Variants in SYCP1 observed in about 807,000 individuals in gnomAD.
SYCP1 encodes the protein synaptonemal complex protein 1.
SYCP1 carries 64 observed loss-of-function variants against 153.1 expected under a neutral mutation model. The ratio of observed to expected loss-of-function variants is 0.42; its 90% confidence interval spans 0.34 to 0.51. The LOEUF (loss-of-function observed/expected upper bound fraction) is 0.51, where lower values mean the gene tolerates loss of function less well. SYCP1 is among the 20% of genes least tolerant of loss of function. The pLI is 0.06. For missense variants in SYCP1, 997 were observed against 1,049.0 expected (o/e 0.95, Z 0.68); for synonymous variants, 384 against 341.8 (o/e 1.12, Z -1.36).
Position 114,857,218 on chromosome 1 carries a change from C to G in SYCP1, c.194-14C>G, listed in dbSNP as rs773437950. 34 of 1,509,582 alleles carry G rather than the reference C, an allele frequency of 2.3e-5. No individual in the cohort carries two copies. The highest frequency in any genetic ancestry group is 3.7e-4 in the Middle Eastern group (2 of 5,390). The allele number at this position is 1,509,582 out of a possible 1,614,324, so 93.5% of individuals were successfully genotyped here. A position where few individuals can be genotyped will look rare whatever the true frequency, so the allele number is the denominator to read the frequency against. On this transcript the variant is annotated splice_polypyrimidine_tract_variant and intron_variant, in intron 3 of 31. Coordinates refer to ENST00000369522, the MANE Select transcript of SYCP1 (RefSeq NM_003176.4). The stretch of plus-strand genomic sequence containing the variant: ...TGTTGGCGTATTTAATACCTGTTGT[C>G]TTTTATCTTGCAGATCCTGCTTTAC...
intron 20 of SYCP1, among the ~76,000 whole-genome samples, chr1:114,914,477 C>T (rs1259027192): frequency 6.6e-6 from 1 of 151,644 alleles, no homozygotes; most frequent in Non-Finnish European, 1.5e-5. Flanking sequence ...AAAGACTAAT[C>T]AACATAAAGG....
intron 27 of SYCP1, among the ~76,000 whole-genome samples, chr1:114,954,547 T>TTTATTTA (rs1671313381): frequency 1.3e-4 from 20 of 148,334 alleles, no homozygotes; most frequent in Non-Finnish European, 2.4e-4. Flanking sequence ...TCAGTATGCT[T>TTTATTTA]TTTATTTATT....
At chr1:114,904,556 A>G (rs941806759) in intron 16 of SYCP1, among the ~76,000 whole-genome samples, 1 of 152,182 alleles carries the variant, frequency 6.6e-6, no homozygotes. Flanking sequence ...ATCTGTTTCT[A>G]TTTTTATAGA....
intron 15 of SYCP1, among the ~76,000 whole-genome samples, chr1:114,892,180 C>T (rs1286566): frequency 0.023 from 3,503 of 152,160 alleles, 56 homozygotes; most frequent in South Asian, 0.035. Context: ...AGAGATAGTC[C>T]TCGTGGGCCT....
intron 16 of SYCP1, among the ~76,000 whole-genome samples, chr1:114,904,540 C>T (rs1050524487): frequency 7.2e-5 from 11 of 152,226 alleles, no homozygotes; most frequent in Middle Eastern, 3.4e-3. Context: ...AGTACATGAA[C>T]GTAGTATCTG....
At position 114,887,662 on chromosome 1, in the gene SYCP1, C is replaced by A; in HGVS notation, c.1227C>A (p.Thr409=). 1 of 1,566,520 alleles carries A rather than the reference C, an allele frequency of 6.4e-7. No homozygotes were observed. Among genetic ancestry groups the A allele is most frequent in the South Asian group, 1.2e-5 (1 of 82,190 alleles). The change falls in exon 15 of 32, where the codon ACC becomes ACA. Residue 409 remains threonine (T), a synonymous_variant. Coordinates refer to ENST00000369522, the MANE Select transcript of SYCP1 (RefSeq NM_003176.4). ...EKNEDQLKIL[T]MELQKKSSEL... The stretch of plus-strand genomic sequence containing the variant: ...ATGAAGATCAATTGAAAATACTTAC[C>A]ATGGAGCTTCAAAAGAAATCAAGTG...
chr1:114,871,917 A>G (rs888852744), intron 8 of SYCP1, among the ~76,000 whole-genome samples: 4 of 151,776 alleles, frequency 2.6e-5, no homozygotes, highest in Admixed American at 6.6e-5. Flanking sequence ...TGACAAACTT[A>G]TATGTTAGAT....
At chr1:114,856,712 C>A in intron 3 of SYCP1, 55 bp downstream of exon 3, 2 of 1,256,642 alleles carry the variant, frequency 1.6e-6, no homozygotes, top group Non-Finnish European at 2.3e-6. Context: ...GTGTTACATA[C>A]ATCGATAGTT....
chr1:114,854,234 C>G (rs566343137), upstream of SYCP1, among the ~76,000 whole-genome samples: 2 of 152,270 alleles, frequency 1.3e-5, no homozygotes, highest in African/African-American at 4.8e-5. Context: ...GCCTCTGTCT[C>G]CAAGACTCAA....
At chr1:114,878,613 G>C (rs1405993140) in intron 12 of SYCP1, among the ~76,000 whole-genome samples, 1 of 152,094 alleles carries the variant, frequency 6.6e-6, no homozygotes, top group Non-Finnish European at 1.5e-5. Context: ...GCACAATCTT[G>C]GCTCACTGCA....
intron 23 of SYCP1, among the ~76,000 whole-genome samples, chr1:114,931,392 G>A (rs1182814923): frequency 5.3e-5 from 8 of 152,048 alleles, no homozygotes; most frequent in African/African-American, 1.9e-4. Flanking sequence ...CAAAGTCACT[G>A]GATACAAGGT....
At position 114,886,110 on chromosome 1, in the gene SYCP1, C is replaced by CT; in HGVS notation, c.1006-12dup. On this transcript the variant is annotated splice_polypyrimidine_tract_variant and intron_variant, in intron 13 of 31. Transcript: ENST00000369522. ...TTTGGATCATTGCTCTTGTTTTATACTTTATTTCATTTAGAGTACTCAAAA... is the reference window on the plus strand; with the variant it reads ...TTTGGATCATTGCTCTTGTTTTATACTTTTATTTCATTTAGAGTACTCAAAA... 6.5e-7 allele frequency: 1 copy of CT among 1,550,254 alleles called. No homozygotes were observed. The highest frequency in any genetic ancestry group is 1.4e-5 in the African/African-American group (1 of 71,716).
At chr1:114,908,036 G>A (rs1667930441) in intron 16 of SYCP1, among the ~76,000 whole-genome samples, 1 of 151,860 alleles carries the variant, frequency 6.6e-6, no homozygotes, top group South Asian at 2.1e-4. Flanking sequence ...ATTTTTTCCT[G>A]AAGATCCACG....
chr1:114,855,343 A>T, intron 1 of SYCP1, 98 bp from the exon 2 acceptor site: 1 of 583,384 alleles, frequency 1.7e-6, no homozygotes, highest in Non-Finnish European at 2.8e-6. Context: ...TTTTTTAGCC[A>T]TTTAGTTTGT....
At position 114,994,726 on chromosome 1, in the gene SYCP1, A is replaced by C; in HGVS notation, c.2732A>C (p.Lys911Thr). The C allele has an allele frequency of 6.4e-7, 1 of 1,574,648 alleles. No individual in the cohort carries two copies. Among genetic ancestry groups the C allele is most frequent in the South Asian group, 1.2e-5 (1 of 81,722 alleles). The change falls in exon 31 of 32, where the codon AAA becomes ACA. Residue 911 changes from lysine (K) to threonine (T), a missense_variant. Physicochemically the swap from Lys to Thr is moderately conservative, Grantham distance 78. This residue lies in a region of SYCP1 where 712 missense variants were observed against 682.9 expected (regional missense o/e 1.04). Transcript: ENST00000369522. ...ATGGTTTCAGAAGAAGAGACATTGA[A>C]AACACTGTATAGGAACAATAATCCA... The part of the protein sequence containing the change: ...LSMVSEEETL[K>T]TLYRNNNPPA...
chr1:114,983,613 G>A (rs187447198), intron 29 of SYCP1, among the ~76,000 whole-genome samples: 22 of 152,114 alleles, frequency 1.4e-4, no homozygotes, highest in African/African-American at 4.3e-4. Flanking sequence ...CCCCAGGAAC[G>A]TGGGCTGTTA....
At chr1:114,942,561 G>T (rs760977603) in intron 23 of SYCP1, among the ~76,000 whole-genome samples, 6 of 151,740 alleles carry the variant, frequency 4.0e-5, no homozygotes, top group Non-Finnish European at 7.4e-5. Context: ...AAGATACAGG[G>T]GTACATGGTA....
chr1:114,938,714 A>C (rs1012008124), intron 23 of SYCP1, among the ~76,000 whole-genome samples: 9 of 152,104 alleles, frequency 5.9e-5, no homozygotes, highest in Non-Finnish European at 1.2e-4. Flanking sequence ...TCATCCATAA[A>C]TTCATCTTGG....
At chr1:114,857,086 G>GGGTC (rs1171861182) in intron 3 of SYCP1, 146 bp from the exon 4 acceptor site, 1 of 579,778 alleles carries the variant, frequency 1.7e-6, no homozygotes, top group African/African-American at 2.1e-5. Context: ...GAGCCATGAT[G>GGGTC]GGTCACTGCC....
Sources: gnomAD v4.1 joint callset for allele counts (sites outside exome capture counted in the v4.1 genomes callset) on GRCh38, gnomAD v4.1.1 for gene constraint, gnomAD v4.1.1 regional missense constraint, MANE v1.5 for transcripts, NCBI Gene and HGNC (gene_info 2026-07-23, HGNC 2026-07-21) for gene names.